The following PTPN5 variants were observed in gnomAD, a reference collection of about 807,000 sequenced individuals.
The protein encoded by PTPN5 is protein tyrosine phosphatase non-receptor type 5, also known as tyrosine-protein phosphatase non-receptor type 5.
Under a neutral mutation model 73.9 loss-of-function variants are expected in PTPN5, and 29 were observed. The ratio of observed to expected loss-of-function variants is 0.39; its 90% CI spans 0.29 to 0.54. The LOEUF (loss-of-function observed/expected upper bound fraction) is 0.54, where lower values mean the gene tolerates loss of function less well. PTPN5 is among the 20% of genes least tolerant of loss of function. The probability of loss-of-function intolerance (pLI) is 0.65; values close to 1 mark genes in which losing one functional copy is unlikely to be tolerated. For missense variants in PTPN5, 652 were observed against 751.4 expected (o/e 0.87, Z 1.55); for synonymous variants, 267 against 304.7 (o/e 0.88, Z 1.29).
intron 3 of PTPN5, among the ~76,000 whole-genome samples, chr11:18,756,641 G>C (rs897681498): frequency 6.6e-6 from 1 of 151,756 alleles, no homozygotes; most frequent in Non-Finnish European, 1.5e-5. Flanking sequence ...AAACAGCACC[G>C]GCCGGGCGCG....
intron 12 of PTPN5, among the ~76,000 whole-genome samples, chr11:18,730,937 C>T (rs1032897182): frequency 2.0e-5 from 3 of 152,116 alleles, no homozygotes; most frequent in Admixed American, 6.5e-5. Flanking sequence ...AACACATGTG[C>T]ACACATACAT....
chr11:18,744,179 T>C lies in PTPN5; in HGVS notation c.118A>G (p.Met40Val). ...RLPGLPQPIV[M>V]EALDEAEGLQ... is the part of the protein sequence containing the mutation. The stretch of plus-strand genomic sequence containing the variant: ...CCTTCAGCCTCGTCCAGTGCCTCCA[T>C]CACTATCGGCTGGGGGAGACCTGTG... The change falls in exon 4 of 15, where the codon ATG (methionine) becomes GTG (valine). Residue 40 changes from methionine to valine, a missense_variant. Physicochemically the swap from Met to Val is conservative, Grantham distance 21 (BLOSUM62 1). Transcript: ENST00000358540. 6.4e-7 allele frequency: 1 copy of C among 1,574,646 alleles called. No individual in the cohort carries two copies. The highest frequency in any genetic ancestry group is 8.6e-7 in the Non-Finnish European group (1 of 1,163,324).
intron 9 of PTPN5, among the ~76,000 whole-genome samples, chr11:18,736,271 T>C (rs1849109695): frequency 6.6e-6 from 1 of 152,170 alleles, no homozygotes; most frequent in Non-Finnish European, 1.5e-5. Flanking sequence ...GACCTCCATC[T>C]CTACAAAAAT....
chr11:18,783,546 G>A (rs1007557840), intron 1 of PTPN5, among the ~76,000 whole-genome samples: 2 of 152,330 alleles, frequency 1.3e-5, no homozygotes, highest in Admixed American at 6.5e-5. Context: ...CTTGCTGTGC[G>A]TACCTGAAAT....
intron 1 of PTPN5, among the ~76,000 whole-genome samples, chr11:18,777,161 AAAAC>A (rs141857802): frequency 0.24 from 35,723 of 151,788 alleles, 4,410 homozygotes; most frequent in Non-Finnish European, 0.28. Context: ...ACTCCATCTC[AAAAC>A]AAACAAACAA....
chr11:18,749,582 T>C, intron 3 of PTPN5: 1 of 499,986 alleles, frequency 2.0e-6, no homozygotes, highest in South Asian at 1.5e-5. Context: ...AAAGTATACA[T>C]GTAGTATGGA....
intron 2 of PTPN5, among the ~76,000 whole-genome samples, chr11:18,766,306 A>C (rs1396641739): frequency 6.6e-6 from 1 of 152,168 alleles, no homozygotes; most frequent in Non-Finnish European, 1.5e-5. Flanking sequence ...GATGAGTTTG[A>C]AATTATGACC....
chr11:18,733,380 C>A lies in PTPN5; in HGVS notation c.1081-8G>T. The A allele has an allele frequency of 6.2e-7, 1 of 1,612,314 alleles. No individual in the cohort carries two copies. The highest frequency in any genetic ancestry group is 1.1e-5 in the South Asian group (1 of 91,062). On this transcript the variant is annotated splice_polypyrimidine_tract_variant and splice_region_variant and intron_variant, in intron 10 of 14. Transcript: ENST00000358540. The surrounding 1 kb of genome is among the most constrained non-coding windows in gnomAD (Gnocchi z 4.3). ...CTCCTCCCCACCATAGCCCTGCGGC[C>A]AGCCAAGTCCAGGCTGTCAGGGTCA...
intron 8 of PTPN5, among the ~76,000 whole-genome samples, chr11:18,738,773 A>C (rs1188095476): frequency 6.6e-6 from 1 of 151,968 alleles, no homozygotes; most frequent in Admixed American, 6.6e-5. Flanking sequence ...GGAGTTTGAG[A>C]CCACCCTGGC....
At chr11:18,771,386 G>A (rs774168628) in intron 2 of PTPN5, among the ~76,000 whole-genome samples, 13 of 152,244 alleles carry the variant, frequency 8.5e-5, no homozygotes, top group East Asian at 7.7e-4. Flanking sequence ...CAGGCGGTGC[G>A]TCTTCCACGG....
In PTPN5 at chr11:18,736,870, T is replaced by C. The variant is rs1252316236; in HGVS notation, c.1000+1010A>G. On this transcript the variant is annotated intron_variant, in intron 9 of 14. Transcript: ENST00000358540. ...TCCCTCCCTCCAGGTAGGGCTGGGA[T>C]CGGGGAGGGCAAGACGAGGGAAGAG... Among the ~76,000 whole-genome samples the C allele has an allele frequency of 5.9e-5, 9 of 152,106 alleles. No individual in the cohort carries two copies. In the East Asian group the frequency reaches 1.5e-3, roughly 26 times the overall value.
intron 2 of PTPN5, among the ~76,000 whole-genome samples, chr11:18,767,264 T>A (rs1057468384): frequency 6.6e-6 from 1 of 152,164 alleles, no homozygotes; most frequent in Non-Finnish European, 1.5e-5. Flanking sequence ...AGAGGTCAGG[T>A]TCAGGGTGGC....
chr11:18,740,516 T>A, intron 8 of PTPN5, 87 bp downstream of exon 8: 1 of 1,242,968 alleles, frequency 8.0e-7, no homozygotes, highest in Non-Finnish European at 1.1e-6. Flanking sequence ...AGATGCTGAG[T>A]TCCAGGCACC....
intron 1 of PTPN5, among the ~76,000 whole-genome samples, chr11:18,789,208 T>G (rs1363912725): frequency 6.6e-6 from 1 of 152,202 alleles, no homozygotes; most frequent in African/African-American, 2.4e-5. Context: ...CTGAGCATTT[T>G]CTATGTGTTA....
rs1395696574 is a variant in PTPN5, at chr11:18,733,051, A to G, written c.1218+184T>C. Among the ~76,000 whole-genome samples, 1 of 152,208 alleles carries G rather than the reference A, an allele frequency of 6.6e-6. No individual in the cohort carries two copies. The highest frequency in any genetic ancestry group is 1.9e-4 in the East Asian group (1 of 5,194). Reference sequence around the variant, plus strand: ...GGAAGTGGAGAGGCCACCTCCAGGCATGCCTCTATCTGTGAAGCCCGGGGC... The same window carrying G: ...GGAAGTGGAGAGGCCACCTCCAGGCGTGCCTCTATCTGTGAAGCCCGGGGC... On this transcript the variant is annotated intron_variant, in intron 11 of 14. Coordinates refer to ENST00000358540, the MANE Select transcript of PTPN5 (RefSeq NM_006906.2). This position sits in a 1 kb window ranked among gnomAD's most constrained non-coding sequence, Gnocchi z 4.3.
Position 18,729,595 on chromosome 11 carries a change from G to A in PTPN5, c.1491-29C>T. The A allele has an allele frequency of 2.6e-6, 4 of 1,567,844 alleles. No individual in the cohort carries two copies. The highest frequency in any genetic ancestry group is 1.7e-5 in the Admixed American group (1 of 59,242). On this transcript the variant is annotated intron_variant, in intron 13 of 14. Transcript: ENST00000358540. This position sits in a 1 kb window ranked among gnomAD's most constrained non-coding sequence, Gnocchi z 5.2. Reference sequence around the variant, plus strand: ...AGGGCCGAGGGGACCGGTGGGGTGAGGGGCAGGGCAGCCCAGCGGGTGGGG... The same window carrying A: ...AGGGCCGAGGGGACCGGTGGGGTGAAGGGCAGGGCAGCCCAGCGGGTGGGG...
At chr11:18,783,047 A>G (rs951188165) in intron 1 of PTPN5, among the ~76,000 whole-genome samples, 1 of 152,214 alleles carries the variant, frequency 6.6e-6, no homozygotes, top group Non-Finnish European at 1.5e-5. Context: ...AGGTGGATAT[A>G]TGATTTTCAC....
intron 3 of PTPN5, among the ~76,000 whole-genome samples, chr11:18,760,063 GC>G (rs1850322890): frequency 6.6e-6 from 1 of 152,132 alleles, no homozygotes; most frequent in Non-Finnish European, 1.5e-5. Context: ...AGATAGGGTT[GC>G]AAAATGGCTG....
At chr11:18,783,803 C>T (rs1307556525) in intron 1 of PTPN5, among the ~76,000 whole-genome samples, 1 of 152,206 alleles carries the variant, frequency 6.6e-6, no homozygotes, top group East Asian at 1.9e-4. Flanking sequence ...GCCTTGTGTC[C>T]ACCACAGTGC....
Sources: gnomAD v4.1 joint callset for allele counts (sites outside exome capture counted in the v4.1 genomes callset) on GRCh38, gnomAD v4.1.1 for gene constraint, Gnocchi (gnomAD v3.1) non-coding constraint, MANE v1.5 for transcripts, NCBI Gene and HGNC (gene_info 2026-07-23, HGNC 2026-07-21) for gene names.